MAP3K2: variants seen among roughly 807,000 people sequenced by gnomAD.
The protein encoded by MAP3K2 is mitogen-activated protein kinase kinase kinase 2, also known as MAP/ERK kinase kinase 2.
A neutral mutation model predicts 80.3 loss-of-function variants in MAP3K2; 24 were observed. The ratio of observed to expected loss-of-function variants is 0.30; its 90% CI spans 0.22 to 0.42. The LOEUF is 0.42. Among genes scored for constraint, MAP3K2 ranks in the 10% least tolerant of loss-of-function variants. The pLI, the probability that MAP3K2 is intolerant of heterozygous loss-of-function variation, is 1.00. For synonymous variants in MAP3K2, 244 were observed against 253.7 expected (o/e 0.96, Z 0.36); for missense variants, 608 against 750.1 (o/e 0.81, Z 2.21).
In MAP3K2 at chr2:127,308,853, C is replaced by A. The variant is rs539279346; in HGVS notation, c.1457-91G>T. ...CAATGGCAGAGAATTACTTCATAGA[C>A]TCTTTGATTTGTCCCCAAAGTTAGG... is the stretch of plus-strand genomic sequence containing the variant. On this transcript the variant is annotated intron_variant, in intron 15 of 16. Coordinates refer to ENST00000682094, the MANE Select transcript of MAP3K2 (RefSeq NM_001371910.2). 3.2e-5 allele frequency: 42 copies of A among 1,331,916 alleles called. 1 individual carries two copies. In the African/African-American group the frequency reaches 4.6e-4, roughly 15 times the overall value. The allele number at this position is 1,331,916 out of a possible 1,614,324, so 82.5% of individuals were successfully genotyped here.
chr2:127,342,234 G>C (rs1175164153), intron 2 of MAP3K2, among the ~76,000 whole-genome samples: 1 of 152,168 alleles, frequency 6.6e-6, no homozygotes, highest in Non-Finnish European at 1.5e-5. Flanking sequence ...CTACAAGGGG[G>C]CACTGCTACT....
chr2:127,379,147 C>T (rs1687201520), intron 1 of MAP3K2, among the ~76,000 whole-genome samples: 1 of 151,910 alleles, frequency 6.6e-6, no homozygotes, highest in Non-Finnish European at 1.5e-5. Flanking sequence ...ACAAAATAAA[C>T]ATTTAAGGTA....
chr2:127,312,754 C>A (rs1363733273), intron 15 of MAP3K2, among the ~76,000 whole-genome samples: 11 of 151,952 alleles, frequency 7.2e-5, no homozygotes, highest in Non-Finnish European at 1.3e-4. Context: ...CCTGAGGTTG[C>A]GAGTTCGAGA....
intron 14 of MAP3K2, chr2:127,317,077 G>C (rs1685922825): frequency 7.4e-6 from 1 of 135,288 alleles, no homozygotes; most frequent in East Asian, 2.2e-4. Context: ...AATTCTTCCA[G>C]ATCCTGAGAG....
Position 127,322,186 on chromosome 2 carries a change from C to A in MAP3K2, c.905G>T (p.Ser302Ile). 1 of 1,613,966 alleles carries A rather than the reference C, an allele frequency of 6.2e-7. No individual in the cohort carries two copies. The stretch of plus-strand genomic sequence containing the variant: ...AGTGCTTAAGGAATGATCAGTAGGA[C>A]TGAAACTCACAGGAGACCGTAAGCT... ...GTSLRSPVSF[S>I]PTDHSLSTSS... The change falls in exon 12 of 17, where the codon AGT becomes ATT. Residue 302 changes from serine to isoleucine, a missense_variant. Physicochemically the swap from Ser to Ile is moderately radical, Grantham distance 142 (BLOSUM62 -2). Coordinates refer to ENST00000682094, the MANE Select transcript of MAP3K2 (RefSeq NM_001371910.2). The surrounding 1 kb of genome is among the most constrained non-coding windows in gnomAD (Gnocchi z 4.2).
intron 1 of MAP3K2, among the ~76,000 whole-genome samples, chr2:127,370,634 A>T (rs1464653652): frequency 6.6e-6 from 1 of 152,252 alleles, no homozygotes; most frequent in Non-Finnish European, 1.5e-5. Flanking sequence ...AAACTGTTGT[A>T]TCCCATAACC....
chr2:127,387,412 A>ACACACACACACG (rs1212902194), intron 1 of MAP3K2, 40 bp downstream of exon 1: 1 of 916,064 alleles, frequency 1.1e-6, no homozygotes, highest in African/African-American at 1.8e-5. Flanking sequence ...ACACACACAC[A>ACACACACACACG]CACACACACA....
At chr2:127,338,086 G>C (rs1294283980) in intron 3 of MAP3K2, among the ~76,000 whole-genome samples, 1 of 152,096 alleles carries the variant, frequency 6.6e-6, no homozygotes, top group Non-Finnish European at 1.5e-5. Context: ...ATTTTTATGT[G>C]TCATGCTGAG....
intron 5 of MAP3K2, 75 bp downstream of exon 5, chr2:127,335,795 C>A: frequency 1.3e-6 from 1 of 746,680 alleles, no homozygotes. Context: ...AAACACGAGT[C>A]TTAAAAGCAG....
rs763501450 is a variant in MAP3K2 at position 127,323,964 on chromosome 2, C to A, written c.776G>T (p.Gly259Val). 1.8e-5 allele frequency: 28 copies of A among 1,559,440 alleles called. No homozygotes were observed. Among genetic ancestry groups the A allele is most frequent in the Non-Finnish European group, 2.4e-5 (28 of 1,143,318 alleles). ...DYDNPIFEKFGKGGTYPRRYH... is the reference protein window; with the variant it reads ...DYDNPIFEKFVKGGTYPRRYH... ...CCTTCTTGGATATGTTCCTCCTTTTCCAAATTTCTCAAAGATAGGGTTATC... is the reference window on the plus strand; with the variant it reads ...CCTTCTTGGATATGTTCCTCCTTTTACAAATTTCTCAAAGATAGGGTTATC... Residue 259 changes from glycine (G) to valine (V), a missense_variant, in exon 11 of 17, where the codon GGA becomes GTA. Transcript: ENST00000682094.
chr2:127,350,886 T>C (rs566189477), intron 1 of MAP3K2, among the ~76,000 whole-genome samples: 4 of 152,056 alleles, frequency 2.6e-5, no homozygotes, highest in Non-Finnish European at 5.9e-5. Flanking sequence ...CTGACTTCAA[T>C]TTTTAAAAAT....
intron 1 of MAP3K2, among the ~76,000 whole-genome samples, chr2:127,353,730 G>A (rs1161034972): frequency 1.3e-5 from 2 of 152,074 alleles, no homozygotes; most frequent in East Asian, 1.9e-4. Context: ...CCACCACCCC[G>A]TCTGGGAGGT....
chr2:127,308,781 C>G lies in MAP3K2; in HGVS notation c.1457-19G>C. The G allele has an allele frequency of 6.2e-7, 1 of 1,604,590 alleles. No individual in the cohort carries two copies. Among genetic ancestry groups the G allele is most frequent in the Non-Finnish European group, 8.5e-7 (1 of 1,172,896 alleles). On this transcript the variant is annotated intron_variant, in intron 15 of 16. Transcript: ENST00000682094. ...TTTGCGCCTAAAAATAAGACATTGC[C>G]TCATTTCATTAATTTTATTGGCAGT...
chr2:127,317,898 T>C (rs765068319), intron 13 of MAP3K2, 138 bp from the exon 14 acceptor site: 11 of 803,646 alleles, frequency 1.4e-5, no homozygotes, highest in Non-Finnish European at 1.3e-5. Flanking sequence ...CTCTAACCAA[T>C]AACTTTTTAA....
At chr2:127,314,305 T>C (rs966563806) in intron 15 of MAP3K2, among the ~76,000 whole-genome samples, 8 of 152,184 alleles carry the variant, frequency 5.3e-5, no homozygotes, top group African/African-American at 1.9e-4. Flanking sequence ...TTGCATGCAT[T>C]AACTCATTTA....
In MAP3K2 at chr2:127,329,923, A is replaced by G. The variant is rs764214746; in HGVS notation, c.464T>C (p.Ile155Thr). The G allele has an allele frequency of 6.4e-7, 1 of 1,562,594 alleles. No individual in the cohort carries two copies. The highest frequency in any genetic ancestry group is 8.8e-7 in the Non-Finnish European group (1 of 1,134,350). ...GAERKKRLSI[I>T]GPTSRDRSSP... is the part of the protein sequence containing the mutation. ...TAATTCAGACACTAGTTTCTTACCT[A>G]TTATAGATAGCCGTTTTTTCCTCTC... Residue 155 changes from isoleucine (I) to threonine (T), a missense_variant and splice_region_variant, in exon 7 of 17, where the codon ATA (isoleucine) becomes ACA (threonine). Transcript: ENST00000682094.
At chr2:127,349,203 C>T (rs866964611) in intron 1 of MAP3K2, among the ~76,000 whole-genome samples, 17 of 151,864 alleles carry the variant, frequency 1.1e-4, no homozygotes, top group Middle Eastern at 3.4e-3. Context: ...CTTTGTTGCC[C>T]AGGTTAGAGT....
In MAP3K2 at chr2:127,317,700, C is replaced by T; in HGVS notation, c.1255G>A (p.Val419Ile). The T allele has an allele frequency of 6.3e-7, 1 of 1,598,400 alleles. No individual in the cohort carries two copies. The highest frequency in any genetic ancestry group is 8.5e-7 in the Non-Finnish European group (1 of 1,171,520). The part of the protein sequence containing the change: ...LLKNLLHERI[V>I]QYYGCLRDPQ... ...TCCCTCAAACAGCCATAATACTGAACAATTCGCTCATGTAGCAAGTTTTTC... is the reference window on the plus strand; with the variant it reads ...TCCCTCAAACAGCCATAATACTGAATAATTCGCTCATGTAGCAAGTTTTTC... Residue 419 changes from valine to isoleucine, a missense_variant, in exon 14 of 17, where the codon GTT becomes ATT. Physicochemically the swap from Val to Ile is conservative, Grantham distance 29. Transcript: ENST00000682094.
rs563661932 is a variant in MAP3K2, at chr2:127,376,841, G to A, written c.-66+10611C>T. Among the ~76,000 whole-genome samples the A allele has an allele frequency of 4.6e-5, 7 of 152,234 alleles. No homozygotes were observed. The East Asian group carries it at 1.2e-3, about 25-fold the overall frequency. On this transcript the variant is annotated intron_variant, in intron 1 of 16. Transcript: ENST00000682094. ...AGCACTTTGGGAGTCTGAGACAGGA[G>A]GATCGCTTGAGCCCAGGTGTTCAAG...
Sources: gnomAD v4.1 joint callset for allele counts (sites outside exome capture counted in the v4.1 genomes callset) on GRCh38, gnomAD v4.1.1 for gene constraint, Gnocchi (gnomAD v3.1) non-coding constraint, MANE v1.5 for transcripts, NCBI Gene and HGNC (gene_info 2026-07-23, HGNC 2026-07-21) for gene names.